The following TJP1 variants were observed in gnomAD, a reference collection of about 807,000 sequenced individuals.
TJP1 encodes tight junction protein 1.
In TJP1, 43 loss-of-function variants were observed where a neutral mutation model predicts 194.2. The observed-to-expected ratio is 0.22, with a 90% CI of 0.17 to 0.29. The LOEUF is 0.29. Among genes scored for constraint, TJP1 ranks in the 10% least tolerant of loss-of-function variants. The pLI is 1.00. For missense variants in TJP1, 1,971 were observed against 2,185.7 expected (o/e 0.90, Z 1.96); for synonymous variants, 801 against 779.0 (o/e 1.03, Z -0.47).
intron 15 of TJP1, chr15:29,730,661 G>A (rs940086792): frequency 9.3e-5 from 66 of 707,100 alleles, no homozygotes; most frequent in Admixed American, 1.3e-4. Flanking sequence ...ACCAAAGCCC[G>A]CGTGCCGCTG....
intron 2 of TJP1, among the ~76,000 whole-genome samples, chr15:29,949,825 CACCACCACCACCTCCACA>C (rs2055576147): frequency 1.1e-5 from 1 of 91,788 alleles, no homozygotes; most frequent in Non-Finnish European, 2.2e-5. Context: ...CTGCTACCTC[CACCACCACCACCTCCACA>C]ACCACCACCT....
At chr15:29,776,703 G>C (rs1196862406) in intron 2 of TJP1, among the ~76,000 whole-genome samples, 3 of 152,030 alleles carry the variant, frequency 2.0e-5, no homozygotes, top group Non-Finnish European at 2.9e-5. Context: ...CCCTGAGTTA[G>C]GTAAATCTTC....
intron 1 of TJP1, among the ~76,000 whole-genome samples, chr15:29,801,292 G>A (rs572282844): frequency 4.4e-4 from 67 of 151,866 alleles, no homozygotes; most frequent in Admixed American, 4.3e-3. Context: ...TATCACACAC[G>A]TAGATACACA....
At chr15:29,937,679 C>A (rs980862257) in intron 2 of TJP1, among the ~76,000 whole-genome samples, 4 of 152,160 alleles carry the variant, frequency 2.6e-5, no homozygotes, top group South Asian at 2.1e-4. Context: ...CAGAGTCGTA[C>A]TTCACACAAT....
At chr15:29,735,609 AAG>A (rs2043978120) in intron 11 of TJP1, among the ~76,000 whole-genome samples, 2 of 152,018 alleles carry the variant, frequency 1.3e-5, no homozygotes, top group East Asian at 3.9e-4. Context: ...AAAAAAAAGA[AAG>A]AAACGTTTAA....
chr15:29,708,624 G>C lies in TJP1; in HGVS notation c.4785C>G (p.Ile1595Met). 1.2e-6 allele frequency: 2 copies of C among 1,614,214 alleles called. No individual in the cohort carries two copies. Among genetic ancestry groups the C allele is most frequent in the Non-Finnish European group, 1.7e-6 (2 of 1,180,020 alleles). The change falls in exon 25 of 28, where the codon ATC (isoleucine) becomes ATG (methionine). Residue 1595 changes from isoleucine (I) to methionine (M), a missense_variant. Transcript: ENST00000614355. ...TTTGATATTTAGGCTTCTCTGCATG[G>C]ATAGAGAAAGTTTCAACTCCACTGT... ...EFDSGVETFS[I>M]HAEKPKYQIN...
chr15:29,826,332 T>C (rs1303177331), upstream of TJP1, among the ~76,000 whole-genome samples: 1 of 152,146 alleles, frequency 6.6e-6, no homozygotes, highest in East Asian at 1.9e-4. Flanking sequence ...GGAAGCTCCA[T>C]AAATCCATGA....
In TJP1 at chr15:29,716,653, G is replaced by T. The variant is rs1473311784; in HGVS notation, c.4160C>A (p.Ala1387Glu). 2 of 1,613,690 alleles carry T rather than the reference G, an allele frequency of 1.2e-6. No individual in the cohort carries two copies. The highest frequency in any genetic ancestry group is 1.6e-4 in the Middle Eastern group (1 of 6,062). Reference protein sequence around the residue: ...ASHLSEPAKPAHSQNQSNFSS... With the variant: ...ASHLSEPAKPEHSQNQSNFSS... ...AAAATTTGATTGATTCTGAGAATGC[G>T]CTGGCTTTGCAGGCTCGGAGAGATG... Residue 1387 changes from alanine to glutamate, a missense_variant, in exon 23 of 28, where the codon GCG becomes GAG. Coordinates refer to ENST00000614355, the MANE Select transcript of TJP1 (RefSeq NM_001330239.4).
chr15:29,866,986 C>T (rs1263132395), intron 2 of TJP1, among the ~76,000 whole-genome samples: 1 of 152,184 alleles, frequency 6.6e-6, no homozygotes, highest in Non-Finnish European at 1.5e-5. Context: ...TCACTCAGTT[C>T]CAGTTTCATT....
chr15:29,800,754 A>C (rs1230584071), intron 1 of TJP1, 52 bp from the exon 2 acceptor site: 1 of 1,574,316 alleles, frequency 6.4e-7, no homozygotes, highest in East Asian at 2.2e-5. Flanking sequence ...AAATGTCCTT[A>C]ATAAGGTGAG....
intron 18 of TJP1, among the ~76,000 whole-genome samples, chr15:29,721,657 G>A (rs974496278): frequency 1.3e-5 from 2 of 152,180 alleles, no homozygotes; most frequent in Non-Finnish European, 2.9e-5. Flanking sequence ...AATGGGCAGA[G>A]GTTGGAACAG....
At chr15:29,790,020 A>G (rs1390851013) in intron 2 of TJP1, among the ~76,000 whole-genome samples, 1 of 152,190 alleles carries the variant, frequency 6.6e-6, no homozygotes, top group African/African-American at 2.4e-5. Flanking sequence ...TCTTTACAAT[A>G]AAACCTGGAG....
Position 29,782,372 on chromosome 15 carries a change from G to A in TJP1, c.85-9015C>T, listed in dbSNP as rs536945788. Reference sequence around the variant, plus strand: ...ACACACAGACCAACGGAACGTAACAGGGAGCCCAGAAATAAGGCCACACAT... The same window carrying A: ...ACACACAGACCAACGGAACGTAACAAGGAGCCCAGAAATAAGGCCACACAT... On this transcript the variant is annotated intron_variant, in intron 2 of 27. Coordinates refer to ENST00000614355, the MANE Select transcript of TJP1 (RefSeq NM_001330239.4). 7.2e-5 allele frequency among the ~76,000 whole-genome samples: 11 copies of A among 152,278 alleles called. 1 individual carries two copies. In the South Asian group the frequency reaches 1.5e-3, roughly 20 times the overall value.
intron 9 of TJP1, 85 bp from the exon 10 acceptor site, chr15:29,741,521 G>T: frequency 1.2e-6 from 1 of 862,814 alleles, no homozygotes; most frequent in Non-Finnish European, 1.9e-6. Flanking sequence ...TGATTCATAA[G>T]TTCAGAGAAC....
At chr15:29,852,810 A>G (rs1429522707) in intron 2 of TJP1, among the ~76,000 whole-genome samples, 2 of 152,076 alleles carry the variant, frequency 1.3e-5, no homozygotes, top group East Asian at 1.9e-4. Flanking sequence ...AGGCTGAGGC[A>G]GGAGAATTGC....
intron 2 of TJP1, among the ~76,000 whole-genome samples, chr15:29,912,558 G>A (rs1479874441): frequency 1.3e-5 from 2 of 151,838 alleles, no homozygotes; most frequent in African/African-American, 4.8e-5. Context: ...AATACAAAAA[G>A]TAGCCGATGT....
chr15:29,812,225 T>G (rs1203937685), intron 1 of TJP1, among the ~76,000 whole-genome samples: 1 of 152,242 alleles, frequency 6.6e-6, no homozygotes, highest in Non-Finnish European at 1.5e-5. Context: ...GACCTCTCTG[T>G]GCAGGATCTG....
In TJP1 at chr15:29,908,871, T is replaced by A. The variant is rs193027808; in HGVS notation, c.306+47361A>T. 1.2e-3 allele frequency among the ~76,000 whole-genome samples: 184 copies of A among 151,962 alleles called. 2 individuals carry two copies. The highest frequency in any genetic ancestry group is 4.3e-3 in the African/African-American group (178 of 41,466). On this transcript the variant is annotated intron_variant, in intron 2 of 28. Transcript: ENST00000356107. ...CCATCCCTACTAAATATAGAAAAATTAGGCCGGGCGCGGTGGCTCACGCCT... is the reference window on the plus strand; with the variant it reads ...CCATCCCTACTAAATATAGAAAAATAAGGCCGGGCGCGGTGGCTCACGCCT...
rs1300287558 is a variant in TJP1 at position 29,927,412 on chromosome 15, G to T, written c.306+28820C>A. 2.0e-5 allele frequency among the ~76,000 whole-genome samples: 3 copies of T among 152,010 alleles called. No individual in the cohort carries two copies. The East Asian group carries it at 5.8e-4, about 29-fold the overall frequency. Reference sequence around the variant, plus strand: ...TAAATAAAATGTGTCCACTTAACTGGATGAAAATTTAGACCATGTAAAAAG... The same window carrying T: ...TAAATAAAATGTGTCCACTTAACTGTATGAAAATTTAGACCATGTAAAAAG... On this transcript the variant is annotated intron_variant, in intron 2 of 28. Coordinates refer to the TJP1 transcript ENST00000356107.
Sources: allele counts gnomAD v4.1 joint callset (sites outside exome capture counted in the v4.1 genomes callset), GRCh38; gene constraint gnomAD v4.1.1; transcripts MANE v1.5; gene names NCBI Gene and HGNC (gene_info 2026-07-23, HGNC 2026-07-21).